TRIM5: variants seen among roughly 807,000 people sequenced by gnomAD.
TRIM5 encodes the protein tripartite motif containing 5, also known as tripartite motif-containing protein 5.
TRIM5 carries 31 observed loss-of-function variants against 35.6 expected under a neutral mutation model. That is an observed-to-expected ratio of 0.87 (90% confidence interval 0.65 to 1.18). The LOEUF is 1.18. Ranked by LOEUF, TRIM5 falls within the 50% of genes most tolerant of loss-of-function variation. TRIM5 has a pLI of 0.00. For synonymous variants in TRIM5, 243 were observed against 215.6 expected (o/e 1.13, Z -1.11); for missense variants, 609 against 591.6 (o/e 1.03, Z -0.31).
the TRIM5 span, among the ~76,000 whole-genome samples, chr11:5,601,498 T>C: frequency 1.5e-3 from 222 of 152,184 alleles, no homozygotes; most frequent in Admixed American, 3.9e-3. Context: ...TGGCTCACGC[T>C]TGTAATCCCA....
the TRIM5 span, chr11:5,611,050 AC>A: frequency 6.2e-7 from 1 of 1,613,966 alleles, no homozygotes; most frequent in African/African-American, 1.3e-5. Flanking sequence ...CACAGTGCTT[AC>A]TCCAGGTATC....
At chr11:5,604,429 AG>A in the TRIM5 span, 1 of 1,279,902 alleles carries the variant, frequency 7.8e-7, no homozygotes, top group South Asian at 1.8e-5. Flanking sequence ...AGGTTAGGAC[AG>A]GCTTCTTTTG....
the TRIM5 span, among the ~76,000 whole-genome samples, chr11:5,646,475 C>T: frequency 6.6e-6 from 1 of 152,196 alleles, no homozygotes; most frequent in African/African-American, 2.4e-5. Flanking sequence ...AAACTGCTCT[C>T]TTCCCTGTCT....
intron 5 of TRIM5, 48 bp from the exon 6 acceptor site, chr11:5,666,129 G>A: frequency 6.7e-7 from 1 of 1,497,068 alleles, no homozygotes; most frequent in Non-Finnish European, 9.1e-7. Flanking sequence ...TTGACCTTGT[G>A]TCCGTGGAAC....
the TRIM5 span, among the ~76,000 whole-genome samples, chr11:5,616,250 C>G: frequency 2.1e-5 from 3 of 146,198 alleles, no homozygotes; most frequent in Non-Finnish European, 4.5e-5. Flanking sequence ...CGCGCCCGGC[C>G]TCATCTTTTT....
the TRIM5 span, chr11:5,610,108 C>A: frequency 6.2e-7 from 1 of 1,604,448 alleles, no homozygotes; most frequent in Non-Finnish European, 8.5e-7. Context: ...AACCCACAGT[C>A]AGCAGTGTGG....
At chr11:5,636,844 T>C in the TRIM5 span, among the ~76,000 whole-genome samples, 1 of 152,296 alleles carries the variant, frequency 6.6e-6, no homozygotes, top group Non-Finnish European at 1.5e-5. Flanking sequence ...TCCTCTCCAA[T>C]ATGTTAAGAT....
the TRIM5 span, among the ~76,000 whole-genome samples, chr11:5,636,873 G>A: frequency 3.3e-5 from 5 of 152,166 alleles, no homozygotes; most frequent in East Asian, 3.9e-4. Context: ...TTGGCGGGGC[G>A]CGGTGGCTCA....
chr11:5,589,148 T>C, the TRIM5 span: 1 of 152,008 alleles, frequency 6.6e-6, no homozygotes. Flanking sequence ...AAATCCAAGC[T>C]GAGAGGTTAT....
the TRIM5 span, chr11:5,605,282 A>AG: frequency 3.7e-6 from 6 of 1,610,644 alleles, no homozygotes; most frequent in Non-Finnish European, 5.1e-6. Context: ...CTTTTAATAG[A>AG]GGAGACCCTC....
At position 5,679,910 on chromosome 11, in the gene TRIM5, G is replaced by T; in HGVS notation, c.268C>A (p.Gln90Lys). Residue 90 changes from glutamine to lysine, a missense_variant, in exon 2 of 8, where the codon CAG (glutamine) becomes AAG (lysine). By Grantham distance (53) the Gln-to-Lys change is moderately conservative. Transcript: ENST00000380034. ...TGGCGTGCACAATGATCAACTTTCT[G>T]CCCCTCTGGGCTCAACTTGACCTCC... ...LREVKLSPEG[Q>K]KVDHCARHGE... 1 of 1,613,950 alleles carries T rather than the reference G, an allele frequency of 6.2e-7. No individual in the cohort carries two copies. Among genetic ancestry groups the T allele is most frequent in the African/African-American group, 1.3e-5 (1 of 74,970 alleles).
chr11:5,641,991 A>T, the TRIM5 span, among the ~76,000 whole-genome samples: 4 of 152,160 alleles, frequency 2.6e-5, no homozygotes, highest in East Asian at 5.8e-4. Flanking sequence ...GTCAGGATCT[A>T]CAGCTCAGAA....
At chr11:5,603,235 C>A in the TRIM5 span, 1 of 1,599,236 alleles carries the variant, frequency 6.3e-7, no homozygotes, top group South Asian at 1.1e-5. Context: ...TTTGTTTGTT[C>A]ATCTACCTAG....
chr11:5,669,219 A>G (rs1851388610), intron 4 of TRIM5, among the ~76,000 whole-genome samples: 1 of 151,702 alleles, frequency 6.6e-6, no homozygotes, highest in Non-Finnish European at 1.5e-5. Flanking sequence ...AGCTGGGATT[A>G]CAGGCGTGCG....
At chr11:5,643,485 T>C in the TRIM5 span, 1 of 1,614,206 alleles carries the variant, frequency 6.2e-7, no homozygotes, top group Non-Finnish European at 8.5e-7. Flanking sequence ...TGAAGAGTCT[T>C]TGTCCTCTGA....
chr11:5,681,695 T>A (rs1202026404), intron 1 of TRIM5, among the ~76,000 whole-genome samples: 1 of 152,200 alleles, frequency 6.6e-6, no homozygotes, highest in Non-Finnish European at 1.5e-5. Flanking sequence ...TCCTTCGTTA[T>A]CTTGTCATGC....
the TRIM5 span, chr11:5,596,685 C>T: frequency 7.3e-6 from 5 of 684,536 alleles, no homozygotes; most frequent in South Asian, 3.7e-5. Context: ...CCTGTGGGTC[C>T]GTCCGTTCAA....
At chr11:5,654,532 C>T in the TRIM5 span, among the ~76,000 whole-genome samples, 1 of 152,106 alleles carries the variant, frequency 6.6e-6, no homozygotes, top group Non-Finnish European at 1.5e-5. Flanking sequence ...CCCTGGGGAG[C>T]ACGTGTGAGT....
chr11:5,664,150 G>A lies in TRIM5; in HGVS notation c.*659C>T, dbSNP rs55773013. The A allele has an allele frequency of 4.2e-5, 29 of 689,966 alleles. No homozygotes were observed. The East Asian group carries it at 1.7e-3, about 40-fold the overall frequency. 42.7% of individuals were successfully genotyped at this position (689,966 alleles called of 1,614,324 possible). A position where few individuals can be genotyped will look rare whatever the true frequency, so the allele number is the denominator to read the frequency against. On this transcript the variant is annotated 3_prime_UTR_variant, in exon 8 of 8. Coordinates refer to ENST00000380034, the MANE Select transcript of TRIM5 (RefSeq NM_033034.3). ...TGAGAGGTGGAGGTTGCAGTGAACC[G>A]AGATCGTGCCATTGCACTCCAGCCT...
Sources: gnomAD v4.1 joint callset for allele counts (sites outside exome capture counted in the v4.1 genomes callset) on GRCh38, gnomAD v4.1.1 for gene constraint, MANE v1.5 for transcripts, NCBI Gene and HGNC (gene_info 2026-07-23, HGNC 2026-07-21) for gene names.